The following PPP1R3F variants were observed in gnomAD, a reference collection of about 807,000 sequenced individuals.
The protein encoded by PPP1R3F is protein phosphatase 1 regulatory subunit 3F.
A neutral mutation model predicts 24.2 loss-of-function variants in PPP1R3F; 29 were observed. That is an observed-to-expected ratio of 1.20 (90% CI 0.89 to 1.63). The LOEUF (loss-of-function observed/expected upper bound fraction) is 1.63, where lower values mean the gene tolerates loss of function less well. Ranked by LOEUF, PPP1R3F falls within the 40% of genes most tolerant of loss-of-function variation. The pLI is 0.00. For missense variants in PPP1R3F, 823 were observed against 729.3 expected (o/e 1.13, Z -1.48); for synonymous variants, 363 against 340.1 (o/e 1.07, Z -0.74).
intron 1 of PPP1R3F, among the ~76,000 whole-genome samples, chrX:49,278,483 A>G (rs1327526258): frequency 7.1e-5 from 8 of 112,482 alleles, no homozygotes; most frequent in African/African-American, 2.3e-4. Flanking sequence ...GTGTGAGACC[A>G]AGCTGGTTTG....
At chrX:49,291,286 TTTTC>T (rs1249274304), downstream of PPP1R3F, among the ~76,000 whole-genome samples, 3 of 36,373 alleles carry the variant, frequency 8.2e-5, no homozygotes, top group African/African-American at 3.4e-4. Context: ...TCCAGCCTAC[TTTTC>T]TCTCTCTCTC....
intron 1 of PPP1R3F, among the ~76,000 whole-genome samples, chrX:49,272,401 A>G (rs1433393975): frequency 8.9e-6 from 1 of 112,690 alleles, no homozygotes; most frequent in African/African-American, 3.2e-5. Context: ...CAACGCATTT[A>G]ACTACACCAT....
chrX:49,274,689 G>A (rs1340005957), intron 1 of PPP1R3F: 3 of 111,950 alleles, frequency 2.7e-5, no homozygotes, highest in Non-Finnish European at 5.6e-5. Context: ...AGGGGTCATC[G>A]GCCACCCTGC....
chrX:49,298,964 C>T (rs1395878493), intron 3 of PPP1R3F, among the ~76,000 whole-genome samples: 2 of 109,716 alleles, frequency 1.8e-5, no homozygotes, highest in African/African-American at 6.6e-5. Flanking sequence ...TCCTTTAGCT[C>T]GAAGGAGTTT....
chrX:49,284,505 C>CTTTCTTTTTTTTTTTTTTTTTTTTTT (rs2066268905), intron 3 of PPP1R3F, among the ~76,000 whole-genome samples: 1 of 43,961 alleles, frequency 2.3e-5, no homozygotes. Context: ...TTTTCTTTTT[C>CTTTCTTTTTTTTTTTTTTTTTTTTTT]TTTCTTTTTT....
intron 3 of PPP1R3F, among the ~76,000 whole-genome samples, chrX:49,293,668 A>G (rs1055452762): frequency 1.2e-4 from 13 of 112,197 alleles, no homozygotes; most frequent in African/African-American, 4.2e-4. Flanking sequence ...GTATTTAGGC[A>G]TACATACACC....
chrX:49,301,401 T>C, exon 4 of PPP1R3F: 1 of 634,480 alleles, frequency 1.6e-6, no homozygotes, highest in South Asian at 2.1e-5. Flanking sequence ...TGATGCAGGC[T>C]GCTCCTATGT....
In PPP1R3F at chrX:49,282,081, G is replaced by T. The variant is rs1602710670; in HGVS notation, c.1143+18G>T. The T allele has an allele frequency of 8.7e-7, 1 of 1,147,723 alleles. No individual in the cohort carries two copies. The highest frequency in any genetic ancestry group is 3.0e-5 in the East Asian group (1 of 33,398). The allele number at this position is 1,147,723 out of a possible 1,213,427, so 94.6% of individuals were successfully genotyped here. ...CACTTCAGGTAAGTGGGTCCTTGCA[G>T]CCTTGGAGTAGACAGCCCAATAGGA... On this transcript the variant is annotated intron_variant, in intron 3 of 3. Transcript: ENST00000055335.
At chrX:49,289,433 A>C (rs1214657615), downstream of PPP1R3F, among the ~76,000 whole-genome samples, 2 of 111,877 alleles carry the variant, frequency 1.8e-5, no homozygotes, top group Non-Finnish European at 3.8e-5. Flanking sequence ...CATCTAAATA[A>C]ATTGTGGTAT....
chrX:49,289,174 T>G (rs1019929967), downstream of PPP1R3F, among the ~76,000 whole-genome samples: 3 of 111,738 alleles, frequency 2.7e-5, no homozygotes, highest in Non-Finnish European at 5.6e-5. Context: ...CGTATACTCA[T>G]GGTAGCAAAG....
chrX:49,276,108 A>T (rs781916137), intron 1 of PPP1R3F, among the ~76,000 whole-genome samples: 1 of 112,903 alleles, frequency 8.9e-6, no homozygotes, highest in Non-Finnish European at 1.9e-5. Context: ...GCCACGTGCT[A>T]AGAAAGTGGC....
chrX:49,297,582 C>A (rs1286046203), intron 3 of PPP1R3F, among the ~76,000 whole-genome samples: 1 of 111,045 alleles, frequency 9.0e-6, no homozygotes, highest in Non-Finnish European at 1.9e-5. Flanking sequence ...ATCTTCTGAC[C>A]TTGTGATCTA....
downstream of PPP1R3F, among the ~76,000 whole-genome samples, chrX:49,288,915 C>T (rs1372830447): frequency 1.8e-5 from 2 of 111,242 alleles, no homozygotes; most frequent in East Asian, 2.8e-4. Flanking sequence ...TCTAGATGGG[C>T]GGATCAGGAG....
chrX:49,282,153 C>T (rs2066253086), intron 3 of PPP1R3F, 90 bp downstream of exon 3: 5 of 668,571 alleles, frequency 7.5e-6, no homozygotes, highest in Non-Finnish European at 1.2e-5. Context: ...GGCCCACTAG[C>T]TCTGGGTCCT....
downstream of PPP1R3F, among the ~76,000 whole-genome samples, chrX:49,292,011 T>A (rs1368000847): frequency 2.6e-5 from 2 of 78,243 alleles, no homozygotes; most frequent in Non-Finnish European, 6.4e-5. Context: ...GGTCTTGGTG[T>A]CTCCAACAGC....
chrX:49,284,675 C>G (rs1334371509), intron 3 of PPP1R3F, among the ~76,000 whole-genome samples: 2 of 110,287 alleles, frequency 1.8e-5, no homozygotes, highest in Admixed American at 1.9e-4. Flanking sequence ...CCACACCCGG[C>G]TGATTTTTGT....
downstream of PPP1R3F, among the ~76,000 whole-genome samples, chrX:49,292,896 G>T (rs781957573): frequency 8.3e-4 from 93 of 112,101 alleles, no homozygotes; most frequent in Non-Finnish European, 1.5e-3. Flanking sequence ...GAGGCGTTGA[G>T]AAAGTAGATT....
intron 1 of PPP1R3F, chrX:49,273,158 G>A (rs1188674118): frequency 9.1e-6 from 1 of 109,673 alleles, no homozygotes; most frequent in Non-Finnish European, 1.9e-5. Context: ...AAGATACTGA[G>A]CAGGTCCAGT....
intron 3 of PPP1R3F, among the ~76,000 whole-genome samples, chrX:49,284,672 C>T (rs190308090): frequency 1.1e-4 from 12 of 110,116 alleles, no homozygotes; most frequent in African/African-American, 3.6e-4. Context: ...CCACCACACC[C>T]GGCTGATTTT....
Sources: gnomAD v4.1 joint callset for allele counts (sites outside exome capture counted in the v4.1 genomes callset) on GRCh38, gnomAD v4.1.1 for gene constraint, MANE v1.5 for transcripts, NCBI Gene and HGNC (gene_info 2026-07-23, HGNC 2026-07-21) for gene names.